Variants in SLC7A14 observed in about 807,000 individuals in gnomAD.
The protein encoded by SLC7A14 is gamma-aminobutyric acid transporter SLC7A14.
Under a neutral mutation model 60.2 loss-of-function variants are expected in SLC7A14, and 37 were observed. The ratio of observed to expected loss-of-function variants is 0.61; its 90% CI spans 0.47 to 0.81. The LOEUF is 0.81. SLC7A14 is among the 30% of genes least tolerant of loss of function. The probability of loss-of-function intolerance (pLI) is 0.00; values close to 1 mark genes in which losing one functional copy is unlikely to be tolerated. For synonymous variants in SLC7A14, 399 were observed against 395.8 expected (o/e 1.01, Z -0.10); for missense variants, 886 against 982.7 (o/e 0.90, Z 1.32).
chr3:170,480,330 G>T lies in SLC7A14; in HGVS notation c.1952C>A (p.Ser651Tyr). ...LVNIYLMLKL[S>Y]TITWIRFAVW... ...CGCAAACCGGATCCATGTGATGGTG[G>T]AGAGCTTTAGCATGAGATAGATGTT... Residue 651 changes from serine (S) to tyrosine (Y), a missense_variant, in exon 7 of 8, where the codon TCC (serine) becomes TAC (tyrosine). Physicochemically the swap from Ser to Tyr is moderately radical, Grantham distance 144. Transcript: ENST00000231706. The T allele has an allele frequency of 6.4e-7, 1 of 1,561,018 alleles. No individual in the cohort carries two copies. The highest frequency in any genetic ancestry group is 1.2e-5 in the South Asian group (1 of 81,926).
chr3:170,583,369 A>C (rs1399958191), intron 1 of SLC7A14, among the ~76,000 whole-genome samples: 2 of 152,212 alleles, frequency 1.3e-5, no homozygotes, highest in African/African-American at 4.8e-5. Context: ...AGTTGGAAGA[A>C]AGGTAAGAGG....
Position 170,508,363 on chromosome 3 carries a change from G to A in SLC7A14, c.305-7018C>T, listed in dbSNP as rs375018765. ...CTCTGGGATCAGCAACAACTGGAGCGTTGCTCAGAGGTTCGGTCAGGCTGC... is the reference window on the plus strand; with the variant it reads ...CTCTGGGATCAGCAACAACTGGAGCATTGCTCAGAGGTTCGGTCAGGCTGC... On this transcript the variant is annotated intron_variant, in intron 2 of 7. Transcript: ENST00000231706. 9.2e-5 allele frequency among the ~76,000 whole-genome samples: 14 copies of A among 152,312 alleles called. No homozygotes were observed. In the South Asian group the frequency reaches 2.5e-3, roughly 27 times the overall value.
intron 2 of SLC7A14, among the ~76,000 whole-genome samples, chr3:170,507,486 C>A (rs1481187374): frequency 2.0e-5 from 3 of 151,988 alleles, no homozygotes; most frequent in African/African-American, 4.8e-5. Flanking sequence ...GGGGAGGGAG[C>A]CTTTTAAGCT....
At chr3:170,546,411 A>G (rs1026158627) in intron 1 of SLC7A14, among the ~76,000 whole-genome samples, 1 of 152,194 alleles carries the variant, frequency 6.6e-6, no homozygotes, top group Non-Finnish European at 1.5e-5. Flanking sequence ...GTAGGTCTCA[A>G]TGGTGATTGA....
At chr3:170,486,493 G>A in intron 4 of SLC7A14, 125 bp from the exon 5 acceptor site, 1 of 1,226,980 alleles carries the variant, frequency 8.2e-7, no homozygotes, top group Non-Finnish European at 1.2e-6. Context: ...TAACATGGTG[G>A]AACTCGTGCT....
chr3:170,530,740 C>T (rs1319368061), intron 1 of SLC7A14, among the ~76,000 whole-genome samples: 1 of 152,140 alleles, frequency 6.6e-6, no homozygotes, highest in Non-Finnish European at 1.5e-5. Flanking sequence ...GCGGGGAGGC[C>T]GACAAGTAAG....
At chr3:170,536,125 T>G (rs934597246) in intron 1 of SLC7A14, among the ~76,000 whole-genome samples, 9 of 152,216 alleles carry the variant, frequency 5.9e-5, no homozygotes, top group African/African-American at 1.9e-4. Context: ...TCAGTTTTAT[T>G]ATCTGAAATA....
At chr3:170,483,792 A>G (rs1225190209) in intron 5 of SLC7A14, among the ~76,000 whole-genome samples, 1 of 152,220 alleles carries the variant, frequency 6.6e-6, no homozygotes, top group African/African-American at 2.4e-5. Flanking sequence ...GTAAGTCTGC[A>G]GGTATTTCAG....
intron 1 of SLC7A14, among the ~76,000 whole-genome samples, chr3:170,573,864 G>GACC (rs1222817746): frequency 2.0e-5 from 3 of 152,092 alleles, no homozygotes; most frequent in Non-Finnish European, 4.4e-5. Flanking sequence ...GGTTATCTTT[G>GACC]ACCACTCATT....
intron 1 of SLC7A14, among the ~76,000 whole-genome samples, chr3:170,547,921 A>G (rs906990134): frequency 6.6e-6 from 1 of 152,108 alleles, no homozygotes; most frequent in Non-Finnish European, 1.5e-5. Flanking sequence ...GTGGACATAT[A>G]TTTTGCAGAC....
chr3:170,534,415 G>A (rs960792165), intron 1 of SLC7A14, among the ~76,000 whole-genome samples: 2 of 152,196 alleles, frequency 1.3e-5, no homozygotes, highest in African/African-American at 4.8e-5. Flanking sequence ...TTAGTGGGGT[G>A]AGAAGTGTCC....
At chr3:170,558,360 G>T (rs1714544896) in intron 1 of SLC7A14, among the ~76,000 whole-genome samples, 1 of 152,056 alleles carries the variant, frequency 6.6e-6, no homozygotes, top group African/African-American at 2.4e-5. Context: ...CTCCAGCCTG[G>T]GTGACAGAGT....
chr3:170,482,827 A>G (rs1013786673), intron 6 of SLC7A14, among the ~76,000 whole-genome samples: 1 of 152,186 alleles, frequency 6.6e-6, no homozygotes, highest in African/African-American at 2.4e-5. Context: ...AGGACACACA[A>G]ATGTTCAATA....
intron 1 of SLC7A14, among the ~76,000 whole-genome samples, chr3:170,559,818 C>T (rs1316223646): frequency 1.3e-5 from 2 of 152,208 alleles, no homozygotes; most frequent in Non-Finnish European, 2.9e-5. Flanking sequence ...CCCAGTCTCA[C>T]ACAATGTGTA....
chr3:170,540,240 G>T (rs1005128795), intron 1 of SLC7A14, among the ~76,000 whole-genome samples: 1 of 152,088 alleles, frequency 6.6e-6, no homozygotes, highest in Admixed American at 6.5e-5. Context: ...ATGACCATGC[G>T]TAACTGAAAC....
At chr3:170,520,556 T>C (rs1191553276) in intron 2 of SLC7A14, among the ~76,000 whole-genome samples, 4 of 152,204 alleles carry the variant, frequency 2.6e-5, no homozygotes, top group East Asian at 1.9e-4. Context: ...CTGAACCTTA[T>C]CTTATTAGAT....
At chr3:170,522,969 TC>T (rs1713380193) in intron 2 of SLC7A14, among the ~76,000 whole-genome samples, 1 of 152,224 alleles carries the variant, frequency 6.6e-6, no homozygotes, top group African/African-American at 2.4e-5. Flanking sequence ...TTACACATTT[TC>T]CACGTATGTG....
chr3:170,470,976 C>CT (rs1238104508), intron 7 of SLC7A14, among the ~76,000 whole-genome samples: 1 of 152,110 alleles, frequency 6.6e-6, no homozygotes, highest in Non-Finnish European at 1.5e-5. Flanking sequence ...TTTCTGTGTG[C>CT]TGGGTTAGGA....
intron 1 of SLC7A14, among the ~76,000 whole-genome samples, chr3:170,554,634 C>T (rs976201196): frequency 1.3e-5 from 2 of 152,216 alleles, no homozygotes; most frequent in Non-Finnish European, 2.9e-5. Context: ...CCTGATTGGC[C>T]TCTGCTTTCA....
Sources: allele counts gnomAD v4.1 joint callset (sites outside exome capture counted in the v4.1 genomes callset), GRCh38; gene constraint gnomAD v4.1.1; transcripts MANE v1.5; gene names NCBI Gene and HGNC (gene_info 2026-07-23, HGNC 2026-07-21).